Variants in TMCO1 observed in about 807,000 individuals in gnomAD.
TMCO1 encodes the protein calcium load-activated calcium channel.
In TMCO1, 29 loss-of-function variants were observed where a neutral mutation model predicts 29.3. The observed-to-expected ratio is 0.99, with a 90% CI of 0.74 to 1.35. TMCO1 has a LOEUF of 1.35. TMCO1 is among the 40% of genes most tolerant of loss of function. The probability of loss-of-function intolerance (pLI) is 0.00; values close to 1 mark genes in which losing one functional copy is unlikely to be tolerated. For synonymous variants in TMCO1, 80 were observed against 77.1 expected, an observed-to-expected ratio of 1.04 and a Z score of -0.20; for missense variants, 173 against 225.5, an observed-to-expected ratio of 0.77 and a Z score of 1.49.
Position 165,741,129 on chromosome 1 carries a change from T to C in TMCO1, c.468+2038A>G, listed in dbSNP as rs551304189. On this transcript the variant is annotated intron_variant, in intron 6 of 6. Transcript: ENST00000367881. Reference sequence around the variant, plus strand: ...AACCAACATACTCTTCTTTCTTCTATTCCCAGTCTCTTAGTGAAACTAGTC... The same window carrying C: ...AACCAACATACTCTTCTTTCTTCTACTCCCAGTCTCTTAGTGAAACTAGTC... Among the ~76,000 whole-genome samples the C allele has an allele frequency of 5.3e-5, 8 of 152,332 alleles. No homozygotes were observed. The South Asian group carries it at 1.7e-3, about 32-fold the overall frequency.
intron 2 of TMCO1, among the ~76,000 whole-genome samples, chr1:165,766,320 T>C (rs1484874720): frequency 3.3e-5 from 5 of 152,308 alleles, no homozygotes; most frequent in African/African-American, 1.2e-4. Flanking sequence ...TGCGTGGATA[T>C]ATGAATCTTG....
chr1:165,729,359 C>T (rs1571207469), intron 6 of TMCO1, among the ~76,000 whole-genome samples: 1 of 149,992 alleles, frequency 6.7e-6, no homozygotes, highest in East Asian at 2.0e-4. Flanking sequence ...CTCTGTCATC[C>T]AAGCTAGAGT....
At chr1:165,757,027 G>A (rs1255947129) in intron 3 of TMCO1, among the ~76,000 whole-genome samples, 2 of 152,094 alleles carry the variant, frequency 1.3e-5, no homozygotes, top group Non-Finnish European at 2.9e-5. Flanking sequence ...GCATGAGAAT[G>A]AGCAAGTCTC....
intron 6 of TMCO1, 145 bp downstream of exon 6, chr1:165,743,022 T>C (rs1651651450): frequency 2.1e-6 from 2 of 973,274 alleles, no homozygotes; most frequent in East Asian, 2.6e-5. Flanking sequence ...AAATGGCTTT[T>C]GGAAGATACA....
chr1:165,768,153 G>A, intron 2 of TMCO1, 39 bp downstream of exon 2: 4 of 1,492,392 alleles, frequency 2.7e-6, no homozygotes, highest in Non-Finnish European at 3.7e-6. Flanking sequence ...TAATGAGCTT[G>A]ACGTGTTGAA....
chr1:165,760,025 C>A lies in TMCO1; in HGVS notation c.149-441G>T, dbSNP rs911616508. Among the ~76,000 whole-genome samples the A allele has an allele frequency of 5.3e-5, 8 of 152,174 alleles. No homozygotes were observed. In the East Asian group the frequency reaches 1.5e-3, roughly 29 times the overall value. The stretch of plus-strand genomic sequence containing the variant: ...TCTAAGCAGATGAAAAAAAAATGAT[C>A]CCTACCTTCTAAAGAATAATCTAGT... On this transcript the variant is annotated intron_variant, in intron 2 of 6. Coordinates refer to ENST00000367881, the MANE Select transcript of TMCO1 (RefSeq NM_019026.6).
chr1:165,768,451 G>A, intron 1 of TMCO1, 182 bp from the exon 2 acceptor site: 2 of 1,523,712 alleles, frequency 1.3e-6, no homozygotes, highest in African/African-American at 1.4e-5. Context: ...TGATGTGAAG[G>A]TGTCTCCACA....
chr1:165,748,458 A>G (rs888024327), intron 5 of TMCO1, among the ~76,000 whole-genome samples: 1 of 152,208 alleles, frequency 6.6e-6, no homozygotes, highest in Non-Finnish European at 1.5e-5. Flanking sequence ...GAATGACTAC[A>G]CAGACAGAAA....
At chr1:165,728,873 G>T (rs1474002179) in intron 6 of TMCO1, among the ~76,000 whole-genome samples, 2 of 152,040 alleles carry the variant, frequency 1.3e-5, no homozygotes, top group Admixed American at 6.6e-5. Context: ...GAGGTGGGTA[G>T]ATCACTTGAG....
chr1:165,732,270 A>G (rs141494276), intron 6 of TMCO1, among the ~76,000 whole-genome samples: 2 of 151,872 alleles, frequency 1.3e-5, no homozygotes, highest in African/African-American at 4.8e-5. Context: ...AAGTTGATGT[A>G]GGGAGAGGTT....
intron 6 of TMCO1, among the ~76,000 whole-genome samples, chr1:165,731,071 T>C (rs1413063715): frequency 6.6e-6 from 1 of 152,140 alleles, no homozygotes; most frequent in Non-Finnish European, 1.5e-5. Flanking sequence ...AGCTAATTTT[T>C]TGTATTTTTA....
intron 6 of TMCO1, among the ~76,000 whole-genome samples, chr1:165,740,149 T>C (rs183715886): frequency 1.3e-5 from 2 of 151,054 alleles, no homozygotes; most frequent in Non-Finnish European, 2.9e-5. Flanking sequence ...AACTCAGAAT[T>C]GCTCTTTGTT....
At chr1:165,743,875 T>C (rs1016224820) in intron 5 of TMCO1, among the ~76,000 whole-genome samples, 25 of 151,914 alleles carry the variant, frequency 1.6e-4, no homozygotes, top group African/African-American at 5.6e-4. Flanking sequence ...TTTTTTTTTT[T>C]TTTGAGATGG....
At chr1:165,739,836 C>A (rs1236402801) in intron 6 of TMCO1, among the ~76,000 whole-genome samples, 2 of 151,962 alleles carry the variant, frequency 1.3e-5, no homozygotes, top group African/African-American at 4.8e-5. Flanking sequence ...TGGGGCCGGG[C>A]ACAGTGGCTC....
At chr1:165,739,956 T>A (rs1651528133) in intron 6 of TMCO1, among the ~76,000 whole-genome samples, 1 of 151,486 alleles carries the variant, frequency 6.6e-6, no homozygotes. Flanking sequence ...ACTAAAAATA[T>A]AAAGGGTTAG....
At chr1:165,736,651 T>A (rs539339187) in intron 6 of TMCO1, among the ~76,000 whole-genome samples, 2 of 146,518 alleles carry the variant, frequency 1.4e-5, no homozygotes, top group Non-Finnish European at 3.0e-5. Context: ...AACTGGGAGA[T>A]GGAGGTTGCA....
Position 165,768,798 on chromosome 1 carries a change from C to T in TMCO1, c.-47G>A, listed in dbSNP as rs377564729. ...TCTCACCCGCCAGGGGGAAAGCGCTCTACAGCCAGGAAAAGTGAAGCGAAA... is the reference window on the plus strand; with the variant it reads ...TCTCACCCGCCAGGGGGAAAGCGCTTTACAGCCAGGAAAAGTGAAGCGAAA... On this transcript the variant is annotated 5_prime_UTR_variant, in exon 1 of 7. Transcript: ENST00000367881. 1.2e-5 allele frequency: 19 copies of T among 1,613,344 alleles called. No individual in the cohort carries two copies. The highest frequency in any genetic ancestry group is 1.6e-5 in the Non-Finnish European group (19 of 1,179,644).
At chr1:165,736,500 C>T (rs910146834) in intron 6 of TMCO1, among the ~76,000 whole-genome samples, 2 of 152,046 alleles carry the variant, frequency 1.3e-5, no homozygotes, top group African/African-American at 4.8e-5. Flanking sequence ...GGTGGATCAC[C>T]CGAGGTCAGG....
chr1:165,747,431 A>G (rs1571221234), intron 5 of TMCO1, among the ~76,000 whole-genome samples: 1 of 152,316 alleles, frequency 6.6e-6, no homozygotes, highest in Non-Finnish European at 1.5e-5. Context: ...AATACTAAAA[A>G]TTATAAAGGT....
Sources: allele counts gnomAD v4.1 joint callset (sites outside exome capture counted in the v4.1 genomes callset), GRCh38; gene constraint gnomAD v4.1.1; transcripts MANE v1.5; gene names NCBI Gene and HGNC (gene_info 2026-07-23, HGNC 2026-07-21).